ZNF207: variants seen among roughly 807,000 people sequenced by gnomAD.
The protein encoded by ZNF207 is zinc finger protein 207, also known as BUB3-interacting and GLEBS motif-containing protein ZNF207.
A neutral mutation model predicts 60.2 loss-of-function variants in ZNF207; 24 were observed. The ratio of observed to expected loss-of-function variants is 0.40; its 90% CI spans 0.29 to 0.56. The LOEUF (loss-of-function observed/expected upper bound fraction) is 0.56, where lower values mean the gene tolerates loss of function less well. ZNF207 is among the 20% of genes least tolerant of loss of function. The pLI, the probability that ZNF207 is intolerant of heterozygous loss-of-function variation, is 0.49. For synonymous variants in ZNF207, 236 were observed against 194.7 expected (o/e 1.21, Z -1.77); for missense variants, 452 against 636.6 (o/e 0.71, Z 3.12).
intron 7 of ZNF207, among the ~76,000 whole-genome samples, chr17:32,364,777 A>G (rs916806777): frequency 2.0e-5 from 3 of 152,246 alleles, no homozygotes; most frequent in African/African-American, 7.2e-5. Flanking sequence ...AATAATTGCC[A>G]GGCAGTTCCA....
At chr17:32,364,342 C>T (rs143466795) in intron 7 of ZNF207, among the ~76,000 whole-genome samples, 2 of 149,880 alleles carry the variant, frequency 1.3e-5, no homozygotes, top group East Asian at 3.9e-4. Flanking sequence ...CCACACGAGG[C>T]TATTAGTTGT....
intron 7 of ZNF207, 32 bp from the exon 8 acceptor site, chr17:32,365,298 A>G (rs542982818): frequency 6.3e-7 from 1 of 1,585,808 alleles, no homozygotes; most frequent in South Asian, 1.1e-5. Flanking sequence ...TTTTTCAGTG[A>G]CTCAATTTCC....
At chr17:32,355,369 A>G (rs972524141) in intron 2 of ZNF207, among the ~76,000 whole-genome samples, 2 of 152,210 alleles carry the variant, frequency 1.3e-5, no homozygotes, top group Non-Finnish European at 2.9e-5. Flanking sequence ...AACTTGGGCT[A>G]CAAGAGTGAA....
At chr17:32,367,699 T>A (rs1905268069) in intron 9 of ZNF207, 73 bp from the exon 10 acceptor site, 1 of 1,559,156 alleles carries the variant, frequency 6.4e-7, no homozygotes, top group African/African-American at 1.4e-5. Flanking sequence ...ATGCCTTGTT[T>A]TAAGTTAAAC....
intron 2 of ZNF207, 58 bp downstream of exon 2, chr17:32,351,970 A>T: frequency 6.9e-7 from 1 of 1,457,362 alleles, no homozygotes; most frequent in Non-Finnish European, 9.1e-7. Context: ...AACTTGAAAG[A>T]ATAATCTTTT....
At chr17:32,352,502 T>C (rs2041526324) in intron 2 of ZNF207, among the ~76,000 whole-genome samples, 1 of 152,212 alleles carries the variant, frequency 6.6e-6, no homozygotes. Flanking sequence ...AATCACTAAA[T>C]ATTTCCTGAG....
At chr17:32,352,219 C>T (rs978666059) in intron 2 of ZNF207, among the ~76,000 whole-genome samples, 1 of 152,158 alleles carries the variant, frequency 6.6e-6, no homozygotes. Flanking sequence ...ATCCACCCAC[C>T]TGGGCCTCCC....
rs991337871 is a variant in ZNF207, at chr17:32,351,483, G to C, written c.42-303G>C. ...TCCTCAGTGTGCATTTGTAAATGTT[G>C]AAATATTTATAACAAAAGTTTCACC... is the stretch of plus-strand genomic sequence containing the variant. On this transcript the variant is annotated intron_variant, in intron 1 of 11. Transcript: ENST00000394670. 7.5e-6 allele frequency: 11 copies of C among 1,461,796 alleles called. No homozygotes were observed. The East Asian group carries it at 2.9e-4, about 38-fold the overall frequency. The allele number at this position is 1,461,796 out of a possible 1,614,324, so 90.6% of individuals were successfully genotyped here.
At position 32,375,726 on chromosome 17, in the gene ZNF207, T is replaced by C. The variant is rs189542761; in HGVS notation, c.*5967T>C. ...TAAAATTATACAGACATGAATGTCT[T>C]TTTTAAAAGGTTGTCATTATTGACC... On this transcript the variant is annotated 3_prime_UTR_variant, in exon 12 of 12. Transcript: ENST00000394670. 1.3e-5 allele frequency: 2 copies of C among 152,238 alleles called. No homozygotes were observed. Among genetic ancestry groups the C allele is most frequent in the East Asian group, 1.9e-4 (1 of 5,184 alleles). 9.4% of individuals were successfully genotyped at this position (152,238 alleles called of 1,614,324 possible).
In ZNF207 at chr17:32,375,996, T is replaced by C. The variant is rs1905662125; in HGVS notation, c.*6237T>C. 6.6e-6 allele frequency: 1 copy of C among 152,092 alleles called. No homozygotes were observed. The highest frequency in any genetic ancestry group is 6.5e-5 in the Admixed American group (1 of 15,274). The allele number at this position is 152,092 out of a possible 1,614,324, so 9.4% of individuals were successfully genotyped here. A position where few individuals can be genotyped will look rare whatever the true frequency, so the allele number is the denominator to read the frequency against. On this transcript the variant is annotated 3_prime_UTR_variant, in exon 12 of 12. Transcript: ENST00000394670. ...TTCTGTCATTGAATCATTTAAATAA[T>C]AACCTTTTGTTTTTATAGCAAAGAA...
chr17:32,363,294 A>C (rs1353775622), intron 7 of ZNF207, among the ~76,000 whole-genome samples: 1 of 151,066 alleles, frequency 6.6e-6, no homozygotes, highest in Non-Finnish European at 1.5e-5. Flanking sequence ...TACCATGTTG[A>C]CCAGGTTGGT....
In ZNF207 at chr17:32,366,803, CTT is replaced by C. The variant is rs763245495; in HGVS notation, c.921+47_921+48del. On this transcript the variant is annotated intron_variant, in intron 9 of 11. Transcript: ENST00000394670. The stretch of plus-strand genomic sequence containing the variant: ...TAAAATTGTTAAAATGGCTTTATAA[CTT>C]AACCCTTTGGACCCTACTTAAAAAA... The C allele has an allele frequency of 7.2e-6, 11 of 1,536,168 alleles. 1 individual carries two copies. The highest frequency in any genetic ancestry group is 1.7e-4 in the Middle Eastern group (1 of 5,854).
intron 6 of ZNF207, among the ~76,000 whole-genome samples, chr17:32,362,120 TAAA>T (rs1286009653): frequency 7.6e-6 from 1 of 131,630 alleles, no homozygotes; most frequent in Admixed American, 7.7e-5. Context: ...TTCCTTTCTC[TAAA>T]AAAAAAAAGT....
Position 32,350,258 on chromosome 17 carries a change from C to G in ZNF207, c.-28C>G, listed in dbSNP as rs1395140490. On this transcript the variant is annotated 5_prime_UTR_variant, in exon 1 of 12. Coordinates refer to ENST00000394670, the MANE Select transcript of ZNF207 (RefSeq NM_001098507.2). The stretch of plus-strand genomic sequence containing the variant: ...CGTTTCTCCTGCTTCTTTTCTCCTC[C>G]CTTTTACTTTGCCGGTAGAACACAG... 1.2e-6 allele frequency: 2 copies of G among 1,614,062 alleles called. No homozygotes were observed. The highest frequency in any genetic ancestry group is 1.7e-6 in the Non-Finnish European group (2 of 1,179,934).
chr17:32,355,741 A>G (rs1277027427), intron 2 of ZNF207, among the ~76,000 whole-genome samples: 1 of 152,210 alleles, frequency 6.6e-6, no homozygotes, highest in East Asian at 1.9e-4. Flanking sequence ...GTCTAAGGAG[A>G]TGAAAGGTAG....
intron 2 of ZNF207, among the ~76,000 whole-genome samples, chr17:32,353,655 A>G (rs1246796243): frequency 2.0e-5 from 2 of 101,432 alleles, no homozygotes; most frequent in South Asian, 3.7e-4. Flanking sequence ...TGGCAGGCAC[A>G]TGTAGTCCTG....
At chr17:32,362,308 A>G (rs1334714676) in intron 6 of ZNF207, among the ~76,000 whole-genome samples, 2 of 152,092 alleles carry the variant, frequency 1.3e-5, no homozygotes, top group African/African-American at 2.4e-5. Context: ...GGCGCACACT[A>G]CTGCACCCAG....
chr17:32,367,284 T>TAA (rs71144818), intron 9 of ZNF207, among the ~76,000 whole-genome samples: 71 of 131,062 alleles, frequency 5.4e-4, no homozygotes, highest in African/African-American at 2.0e-3. Context: ...TATATATATA[T>TAA]AAAGAATACT....
chr17:32,367,967 A>G lies in ZNF207; in HGVS notation c.1117A>G (p.Thr373Ala), dbSNP rs1905279739. The G allele has an allele frequency of 3.7e-6, 6 of 1,614,056 alleles. No individual in the cohort carries two copies. The highest frequency in any genetic ancestry group is 3.3e-5 in the Admixed American group (2 of 60,004). The change falls in exon 10 of 12, where the codon ACT (threonine) becomes GCT (alanine). Residue 373 changes from threonine to alanine, a missense_variant. This residue lies in a region of ZNF207 where 390 missense variants were observed against 461.4 expected (regional missense o/e 0.85). Transcript: ENST00000394670. ...AAGTAAGCCTGCTACACTTACAACA[A>G]CTAGTGCAACCAGTAAGTTGATCCA... ...ITSKPATLTTTSATSKLIHPD... is the reference protein window; with the variant it reads ...ITSKPATLTTASATSKLIHPD...
Sources: allele counts gnomAD v4.1 joint callset (sites outside exome capture counted in the v4.1 genomes callset), GRCh38; gene constraint gnomAD v4.1.1; regional missense constraint gnomAD v4.1.1; transcripts MANE v1.5; gene names NCBI Gene and HGNC (gene_info 2026-07-23, HGNC 2026-07-21).